ACOXL: variants seen among roughly 807,000 people sequenced by gnomAD.
ACOXL encodes acyl-CoA oxidase like.
In ACOXL, 70 loss-of-function variants were observed where a neutral mutation model predicts 71.9. That is an observed-to-expected ratio of 0.97 (90% CI 0.80 to 1.19). The LOEUF (loss-of-function observed/expected upper bound fraction) is 1.19. ACOXL is among the 50% of genes most tolerant of loss of function. The pLI is 0.00. For missense variants in ACOXL, 703 were observed against 736.3 expected (o/e 0.95, Z 0.52); for synonymous variants, 253 against 281.6 (o/e 0.90, Z 1.02).
chr2:110,894,405 A>G (rs2058920651), intron 10 of ACOXL, among the ~76,000 whole-genome samples: 1 of 151,666 alleles, frequency 6.6e-6, no homozygotes. Context: ...CCACCAAGAC[A>G]GAAAACTTTT....
rs112503590 is a variant in ACOXL at position 110,738,099 on chromosome 2, G to A, written c.-23+5325G>A. On this transcript the variant is annotated intron_variant, in intron 1 of 17. Transcript: ENST00000439055. ...CCTGAGCTTCCATTTAAAAAGTGCT[G>A]CTTGCCTGTGGCTGCCATTGCTATG... Among the ~76,000 whole-genome samples the A allele has an allele frequency of 1.1e-3, 173 of 152,298 alleles. 1 individual carries two copies. The highest frequency in any genetic ancestry group is 4.1e-3 in the African/African-American group (169 of 41,548).
At chr2:111,105,415 T>A (rs1011261087) in intron 17 of ACOXL, among the ~76,000 whole-genome samples, 1 of 152,064 alleles carries the variant, frequency 6.6e-6, no homozygotes, top group African/African-American at 2.4e-5. Context: ...TAAGTTAATT[T>A]GAGGAGAAAT....
At chr2:110,892,039 C>T (rs992293024) in intron 10 of ACOXL, among the ~76,000 whole-genome samples, 1 of 152,052 alleles carries the variant, frequency 6.6e-6, no homozygotes, top group Non-Finnish European at 1.5e-5. Context: ...TATTCCCAGG[C>T]CATATCTCTG....
rs1179199332 is a variant in ACOXL, at chr2:110,794,171, C to T, written c.342C>T (p.Ala114=). Residue 114 remains alanine, a synonymous_variant, in exon 5 of 18, where the codon GCC becomes GCT. Transcript: ENST00000439055. ...CCGAAGCCACCTTTGACCTCTCTGC[C>T]CAGGTGAGGAATCCATCCTTCTCCT... is the stretch of plus-strand genomic sequence containing the variant. The part of the protein sequence containing the change: ...IQTEATFDLS[A]QEFVIDTPCE... The T allele has an allele frequency of 6.2e-7, 1 of 1,614,086 alleles. No homozygotes were observed. The highest frequency in any genetic ancestry group is 2.2e-5 in the East Asian group (1 of 44,880).
intron 9 of ACOXL, among the ~76,000 whole-genome samples, chr2:110,821,636 C>T (rs892152466): frequency 5.9e-5 from 9 of 152,186 alleles, no homozygotes; most frequent in South Asian, 4.1e-4. Context: ...TAAAGTTACT[C>T]TTTTTCCCCC....
At chr2:110,962,503 A>T (rs1646892578) in intron 12 of ACOXL, among the ~76,000 whole-genome samples, 1 of 152,216 alleles carries the variant, frequency 6.6e-6, no homozygotes, top group Non-Finnish European at 1.5e-5. Context: ...CCCAGTCAGC[A>T]TTGATGGAGA....
At chr2:110,739,990 A>G (rs1677315624) in intron 1 of ACOXL, among the ~76,000 whole-genome samples, 1 of 152,180 alleles carries the variant, frequency 6.6e-6, no homozygotes. Context: ...GTAGACCTGT[A>G]TTTATGTGTT....
intron 12 of ACOXL, among the ~76,000 whole-genome samples, chr2:110,948,703 T>TAAAAA (rs5833377): frequency 8.5e-5 from 6 of 70,808 alleles, no homozygotes; most frequent in East Asian, 8.3e-4. Context: ...CCAGAAGAAC[T>TAAAAA]AAAAAAAAAA....
At chr2:110,862,286 T>G (rs940830717) in intron 10 of ACOXL, among the ~76,000 whole-genome samples, 1 of 152,140 alleles carries the variant, frequency 6.6e-6, no homozygotes, top group African/African-American at 2.4e-5. Context: ...GGATTTCACC[T>G]GATTTCTGGA....
chr2:111,079,681 A>G (rs943941474), intron 16 of ACOXL, among the ~76,000 whole-genome samples: 6 of 152,074 alleles, frequency 3.9e-5, no homozygotes, highest in East Asian at 1.9e-4. Context: ...ACCTGCCACT[A>G]TTTATTTTTC....
chr2:111,075,756 A>G (rs2067569876), intron 16 of ACOXL, among the ~76,000 whole-genome samples: 2 of 152,076 alleles, frequency 1.3e-5, no homozygotes, highest in South Asian at 2.1e-4. Context: ...AACAACTTAT[A>G]TATTGCATTT....
chr2:111,093,366 C>T lies in ACOXL; in HGVS notation c.1542+400C>T, dbSNP rs993315748. 2.9e-4 allele frequency: 370 copies of T among 1,285,850 alleles called. 1 individual carries two copies. The East Asian group carries it at 8.9e-3, about 31-fold the overall frequency. 79.7% of individuals were successfully genotyped at this position (1,285,850 alleles called of 1,614,324 possible). A position where few individuals can be genotyped will look rare whatever the true frequency, so the allele number is the denominator to read the frequency against. On this transcript the variant is annotated intron_variant, in intron 17 of 17. Coordinates refer to ENST00000439055, the MANE Select transcript of ACOXL (RefSeq NM_001142807.4). ...CATGGGGAATTCAATACAATAGCTA[C>T]GGAGCACCTGAAAAAGAAGGTGAGG...
At chr2:110,755,336 G>C (rs1333465941) in intron 1 of ACOXL, among the ~76,000 whole-genome samples, 1 of 152,092 alleles carries the variant, frequency 6.6e-6, no homozygotes, top group Non-Finnish European at 1.5e-5. Flanking sequence ...GACCCAAGAA[G>C]ACATAAAAGA....
intron 14 of ACOXL, among the ~76,000 whole-genome samples, chr2:111,027,707 A>T (rs1207667191): frequency 1.3e-5 from 2 of 152,100 alleles, no homozygotes; most frequent in African/African-American, 4.8e-5. Flanking sequence ...GGACATCTGG[A>T]CTTTCCTTTG....
intron 16 of ACOXL, among the ~76,000 whole-genome samples, chr2:111,068,808 T>C (rs2067197314): frequency 6.6e-6 from 1 of 152,244 alleles, no homozygotes; most frequent in African/African-American, 2.4e-5. Flanking sequence ...TAGAGGATTC[T>C]TCTCAGCTCA....
chr2:111,102,840 T>C (rs1191533084), intron 17 of ACOXL, among the ~76,000 whole-genome samples: 1 of 152,232 alleles, frequency 6.6e-6, no homozygotes, highest in Non-Finnish European at 1.5e-5. Flanking sequence ...ATTTTTATAG[T>C]GTAAAATGTG....
intron 2 of ACOXL, among the ~76,000 whole-genome samples, chr2:110,776,008 C>G (rs73956443): frequency 0.014 from 2,122 of 152,208 alleles, 61 homozygotes; most frequent in African/African-American, 0.049. Context: ...AGAAACAACC[C>G]AAATGTCAAT....
At chr2:110,743,889 G>A (rs191654759) in intron 1 of ACOXL, among the ~76,000 whole-genome samples, 17 of 152,290 alleles carry the variant, frequency 1.1e-4, no homozygotes, top group Admixed American at 9.1e-4. Context: ...CTGACTTGGG[G>A]CAGCAGACAG....
At chr2:110,939,058 T>C (rs113559685) in intron 12 of ACOXL, among the ~76,000 whole-genome samples, 1 of 152,166 alleles carries the variant, frequency 6.6e-6, no homozygotes, top group Non-Finnish European at 1.5e-5. Flanking sequence ...CATGAGAAAT[T>C]ATTGTAAAAT....
Sources: allele counts gnomAD v4.1 joint callset (sites outside exome capture counted in the v4.1 genomes callset), GRCh38; gene constraint gnomAD v4.1.1; transcripts MANE v1.5; gene names NCBI Gene and HGNC (gene_info 2026-07-23, HGNC 2026-07-21).